OPRM1: variants seen among roughly 807,000 people sequenced by gnomAD.
OPRM1 encodes the protein opioid receptor mu 1.
OPRM1 carries 27 observed loss-of-function variants against 31.8 expected under a neutral mutation model. The observed-to-expected ratio is 0.85, with a 90% CI of 0.63 to 1.17. The LOEUF (loss-of-function observed/expected upper bound fraction) is 1.17. Among genes scored for constraint, OPRM1 ranks in the 50% most tolerant of loss-of-function variants. OPRM1 has a pLI of 0.00. For synonymous variants in OPRM1, 196 were observed against 189.9 expected, an observed-to-expected ratio of 1.03 and a Z score of -0.26; for missense variants, 536 against 511.1, an observed-to-expected ratio of 1.05 and a Z score of -0.47.
At chr6:154,100,101 ATATATATATTATATATTATCATATTATG>A (rs1794468757) in intron 3 of OPRM1, among the ~76,000 whole-genome samples, 1 of 70,366 alleles carries the variant, frequency 1.4e-5, no homozygotes, top group African/African-American at 5.2e-5. Context: ...TCATATTATG[ATATATATATTATATATTATCATATTATG>A]ACATATAATA....
intron 3 of OPRM1, among the ~76,000 whole-genome samples, chr6:154,176,151 T>A (rs1310701749): frequency 6.6e-6 from 1 of 152,112 alleles, no homozygotes; most frequent in East Asian, 1.9e-4. Flanking sequence ...CTCAATAAAC[T>A]AGGTATTGAT....
intron 3 of OPRM1, among the ~76,000 whole-genome samples, chr6:154,143,675 T>C (rs1798280291): frequency 6.6e-6 from 1 of 152,182 alleles, no homozygotes; most frequent in African/African-American, 2.4e-5. Context: ...TAAGAGGTGA[T>C]TGGGCTATGA....
chr6:154,241,063 C>T (rs968922788), intron 3 of OPRM1, among the ~76,000 whole-genome samples: 1 of 151,932 alleles, frequency 6.6e-6, no homozygotes, highest in Non-Finnish European at 1.5e-5. Flanking sequence ...TGGTGAAACC[C>T]CGTCTCTACT....
intron 3 of OPRM1, chr6:154,093,432 T>A (rs778318753): frequency 6.2e-7 from 1 of 1,613,908 alleles, no homozygotes; most frequent in South Asian, 1.1e-5. Context: ...TGGTGGAGCA[T>A]TTCTCCTGAG....
At chr6:154,051,053 A>G (rs1209139946) in intron 1 of OPRM1, among the ~76,000 whole-genome samples, 4 of 152,248 alleles carry the variant, frequency 2.6e-5, no homozygotes, top group African/African-American at 9.6e-5. Context: ...TGTGAACATC[A>G]AAATTATCCT....
At chr6:154,011,703 C>A (rs554862752) in intron 1 of OPRM1, among the ~76,000 whole-genome samples, 1 of 152,194 alleles carries the variant, frequency 6.6e-6, no homozygotes, top group African/African-American at 2.4e-5. Context: ...TATTTTAGAA[C>A]ATTTCCTCTT....
chr6:154,118,803 G>A lies in OPRM1; in HGVS notation c.*82G>A, dbSNP rs201830782. On this transcript the variant is annotated 3_prime_UTR_variant, in exon 4 of 4. Transcript: ENST00000330432. ...AGCAGGTTGCTTCAAGAATGTGTAG[G>A]AGGCTCTAATTCTCTAGGAAAGTGC... The A allele has an allele frequency of 6.3e-7, 1 of 1,587,860 alleles. No homozygotes were observed. Among genetic ancestry groups the A allele is most frequent in the Non-Finnish European group, 8.5e-7 (1 of 1,171,066 alleles).
At chr6:154,082,367 A>C (rs796885679) in intron 1 of OPRM1, among the ~76,000 whole-genome samples, 4 of 152,214 alleles carry the variant, frequency 2.6e-5, no homozygotes, top group African/African-American at 4.8e-5. Context: ...TTACATGTAC[A>C]ATGTCATTAC....
chr6:154,159,369 A>C (rs1194573327), intron 3 of OPRM1: 1 of 170,572 alleles, frequency 5.9e-6, no homozygotes, highest in Non-Finnish European at 1.2e-5. Context: ...TCACTGCTCT[A>C]GAAAACATTC....
chr6:154,054,977 A>C (rs1486637094), intron 1 of OPRM1, among the ~76,000 whole-genome samples: 2 of 152,346 alleles, frequency 1.3e-5, no homozygotes, highest in East Asian at 3.9e-4. Context: ...AACCTACTTG[A>C]ATCTCATTAG....
chr6:154,081,838 C>T (rs1301028695), intron 1 of OPRM1, among the ~76,000 whole-genome samples: 2 of 152,244 alleles, frequency 1.3e-5, no homozygotes, highest in East Asian at 3.9e-4. Flanking sequence ...GGAGAAAAGC[C>T]TCAAATACTT....
downstream of OPRM1, among the ~76,000 whole-genome samples, chr6:154,135,478 T>C (rs937770832): frequency 7.0e-6 from 1 of 143,292 alleles, no homozygotes; most frequent in Non-Finnish European, 1.5e-5. Context: ...TAAAAAAAAA[T>C]ATATAGATAG....
intron 1 of OPRM1, among the ~76,000 whole-genome samples, chr6:154,028,012 G>A (rs1247165735): frequency 6.6e-6 from 1 of 152,246 alleles, no homozygotes; most frequent in East Asian, 1.9e-4. Context: ...AGTCCCCTTT[G>A]CTTCTCCCTC....
chr6:154,035,063 T>C (rs529957276), upstream of OPRM1, among the ~76,000 whole-genome samples: 1 of 152,310 alleles, frequency 6.6e-6, no homozygotes, highest in East Asian at 1.9e-4. Context: ...ATAAATTCTT[T>C]CATATGTGTG....
intron 3 of OPRM1, among the ~76,000 whole-genome samples, chr6:154,171,329 C>A (rs969100563): frequency 6.6e-6 from 1 of 151,880 alleles, no homozygotes; most frequent in African/African-American, 2.4e-5. Context: ...CATGGGTGAA[C>A]CTTGAAAACA....
intron 3 of OPRM1, among the ~76,000 whole-genome samples, chr6:154,237,689 G>A (rs773845665): frequency 2.0e-5 from 3 of 152,094 alleles, no homozygotes; most frequent in Non-Finnish European, 4.4e-5. Flanking sequence ...TCATAATAAA[G>A]TACAGGATTA....
intron 3 of OPRM1, among the ~76,000 whole-genome samples, chr6:154,099,077 C>T (rs1343503253): frequency 6.6e-6 from 1 of 152,030 alleles, no homozygotes; most frequent in Non-Finnish European, 1.5e-5. Context: ...CCCAGGAGTT[C>T]AAGACCAGCC....
intron 3 of OPRM1, among the ~76,000 whole-genome samples, chr6:154,226,925 A>C (rs1312562709): frequency 1.3e-5 from 2 of 152,236 alleles, no homozygotes; most frequent in Non-Finnish European, 2.9e-5. Context: ...GGCCAGGCGC[A>C]GTGGCTCACG....
intron 3 of OPRM1, chr6:154,212,935 A>C: frequency 1.0e-5 from 10 of 952,684 alleles, no homozygotes; most frequent in Non-Finnish European, 1.7e-5. Flanking sequence ...GTTTATCTCC[A>C]TCTGGCTATT....
Sources: gnomAD v4.1 joint callset for allele counts (sites outside exome capture counted in the v4.1 genomes callset) on GRCh38, gnomAD v4.1.1 for gene constraint, MANE v1.5 for transcripts, NCBI Gene and HGNC (gene_info 2026-07-23, HGNC 2026-07-21) for gene names.